The following PDE1C variants were observed in gnomAD, a reference collection of about 807,000 sequenced individuals.
PDE1C encodes the protein dual specificity calcium/calmodulin-dependent 3',5'-cyclic nucleotide phosphodiesterase 1C.
Under a neutral mutation model 93.1 loss-of-function variants are expected in PDE1C, and 62 were observed. The observed-to-expected ratio is 0.67, with a 90% confidence interval of 0.54 to 0.82. The LOEUF (loss-of-function observed/expected upper bound fraction) is 0.82. Among genes scored for constraint, PDE1C ranks in the 40% least tolerant of loss-of-function variants. The pLI is 0.00. For missense variants in PDE1C, 742 were observed against 884.6 expected (o/e 0.84, Z 2.04); for synonymous variants, 325 against 310.1 (o/e 1.05, Z -0.50).
chr7:32,126,201 C>CTAGATAGATAGATAGATAGA (rs5883326), intron 3 of PDE1C, among the ~76,000 whole-genome samples: 21 of 147,000 alleles, frequency 1.4e-4, no homozygotes, highest in Admixed American at 3.4e-4. Context: ...ATCCACTATT[C>CTAGATAGATAGATAGATAGA]TAGATAGATA....
At chr7:31,655,809 A>G in the PDE1C span, 5 of 985,466 alleles carry the variant, frequency 5.1e-6, no homozygotes, top group Non-Finnish European at 6.0e-6. Flanking sequence ...CCCCTTCTCC[A>G]TGTAGACTCC....
At chr7:32,223,792 T>C (rs779775614) in intron 1 of PDE1C, among the ~76,000 whole-genome samples, 2 of 152,194 alleles carry the variant, frequency 1.3e-5, no homozygotes, top group Non-Finnish European at 2.9e-5. Flanking sequence ...TATTAGCACC[T>C]GGGTCCTGCG....
intron 2 of PDE1C, among the ~76,000 whole-genome samples, chr7:31,989,066 G>C (rs6948059): frequency 0.5 from 69,975 of 139,782 alleles, 17,209 homozygotes; most frequent in African/African-American, 0.6. Context: ...AAATAGAGAA[G>C]AAAGAAAGAG....
chr7:31,735,447 G>A, the PDE1C span, among the ~76,000 whole-genome samples: 303 of 150,400 alleles, frequency 2.0e-3, 3 homozygotes, highest in Middle Eastern at 3.5e-3. Flanking sequence ...TAAGTGTCAT[G>A]AGGGCAGTAT....
At chr7:32,428,169 G>C (rs1222876208), upstream of PDE1C, 2 of 152,442 alleles carry the variant, frequency 1.3e-5, no homozygotes, top group African/African-American at 4.8e-5. Context: ...AGCGGCCCTG[G>C]CTCCCCGAGG....
At chr7:31,637,598 G>A in the PDE1C span, among the ~76,000 whole-genome samples, 11 of 152,148 alleles carry the variant, frequency 7.2e-5, no homozygotes, top group South Asian at 4.1e-4. Context: ...GTTTTTTCTC[G>A]TAAATTTGTT....
intron 2 of PDE1C, among the ~76,000 whole-genome samples, chr7:31,913,305 T>A (rs1452559444): frequency 2.0e-5 from 3 of 152,192 alleles, no homozygotes; most frequent in Non-Finnish European, 4.4e-5. Context: ...AATGTTGGAA[T>A]GAAATTTCAG....
At chr7:32,336,070 A>G (rs1033872074) in intron 1 of PDE1C, among the ~76,000 whole-genome samples, 1 of 152,174 alleles carries the variant, frequency 6.6e-6, no homozygotes, top group African/African-American at 2.4e-5. Context: ...ATATTAATTC[A>G]TCAGGGGGCA....
chr7:32,347,508 G>T (rs537018504), intron 1 of PDE1C, among the ~76,000 whole-genome samples: 1 of 152,114 alleles, frequency 6.6e-6, no homozygotes, highest in Non-Finnish European at 1.5e-5. Flanking sequence ...CAAAGGTAAA[G>T]GTGTTTTGTA....
At chr7:32,080,814 C>T (rs948878869) in intron 3 of PDE1C, among the ~76,000 whole-genome samples, 1 of 152,154 alleles carries the variant, frequency 6.6e-6, no homozygotes, top group Non-Finnish European at 1.5e-5. Context: ...TCTATGAATG[C>T]CTTCCACCCA....
chr7:32,198,585 G>A (rs1178899341), intron 2 of PDE1C, among the ~76,000 whole-genome samples: 1 of 152,128 alleles, frequency 6.6e-6, no homozygotes. Flanking sequence ...GGTCCAAGAT[G>A]GCAGCTAGAG....
At chr7:32,282,288 C>CT (rs1304583365) in intron 1 of PDE1C, among the ~76,000 whole-genome samples, 1 of 151,774 alleles carries the variant, frequency 6.6e-6, no homozygotes, top group East Asian at 1.9e-4. Flanking sequence ...ACCAGCCTGA[C>CT]TAACATGGAG....
At chr7:32,192,621 A>G (rs1227337938) in intron 2 of PDE1C, among the ~76,000 whole-genome samples, 1 of 151,456 alleles carries the variant, frequency 6.6e-6, no homozygotes, top group Non-Finnish European at 1.5e-5. Flanking sequence ...GAGTAGATAG[A>G]CTCCTCACAC....
At chr7:31,625,678 C>A in the PDE1C span, among the ~76,000 whole-genome samples, 1 of 151,852 alleles carries the variant, frequency 6.6e-6, no homozygotes, top group African/African-American at 2.4e-5. Context: ...TGCTAGATGA[C>A]GAGTTAGTGG....
chr7:32,310,080 A>G (rs1782973790), intron 1 of PDE1C, among the ~76,000 whole-genome samples: 2 of 152,102 alleles, frequency 1.3e-5, no homozygotes, highest in Admixed American at 1.3e-4. Flanking sequence ...TGGAAAACAA[A>G]AAAAGGCAGG....
chr7:31,717,566 GC>G, the PDE1C span, among the ~76,000 whole-genome samples: 2 of 152,140 alleles, frequency 1.3e-5, no homozygotes, highest in African/African-American at 4.8e-5. Context: ...AGAGAATGGG[GC>G]CCCAAGTTGG....
intron 17 of PDE1C, among the ~76,000 whole-genome samples, chr7:31,769,549 G>C (rs542107729): frequency 1.3e-5 from 2 of 152,272 alleles, no homozygotes; most frequent in South Asian, 2.1e-4. Flanking sequence ...AAATTTCTGA[G>C]AGAAGTAGTT....
At chr7:31,813,674 A>G (rs969376704) in intron 15 of PDE1C, among the ~76,000 whole-genome samples, 2 of 151,860 alleles carry the variant, frequency 1.3e-5, no homozygotes, top group South Asian at 2.1e-4. Flanking sequence ...TTTTATTTCC[A>G]TAGGTTTTTG....
chr7:31,718,191 T>C, the PDE1C span, among the ~76,000 whole-genome samples: 1 of 152,072 alleles, frequency 6.6e-6, no homozygotes, highest in Admixed American at 6.5e-5. Context: ...ATAGGAGTCC[T>C]TCCCCACAGA....
Sources: gnomAD v4.1 joint callset for allele counts (sites outside exome capture counted in the v4.1 genomes callset) on GRCh38, gnomAD v4.1.1 for gene constraint, MANE v1.5 for transcripts, NCBI Gene and HGNC (gene_info 2026-07-23, HGNC 2026-07-21) for gene names.